NBAS: variants seen among roughly 807,000 people sequenced by gnomAD.
NBAS encodes NBAS subunit of NRZ tethering complex.
A neutral mutation model predicts 302.5 loss-of-function variants in NBAS; 219 were observed. The observed-to-expected ratio is 0.72, with a 90% CI of 0.65 to 0.81. NBAS has a LOEUF of 0.81. NBAS is among the 30% of genes least tolerant of loss of function. NBAS has a pLI of 0.00. For missense variants in NBAS, 2,932 were observed against 2,841.6 expected (o/e 1.03, Z -0.72); for synonymous variants, 1,118 against 1,021.6 (o/e 1.09, Z -1.80).
the NBAS span, among the ~76,000 whole-genome samples, chr2:14,928,339 CAG>C: frequency 6.6e-6 from 1 of 152,044 alleles, no homozygotes; most frequent in Non-Finnish European, 1.5e-5. Context: ...TCGTAGCACA[CAG>C]GGAGAAAACA....
At chr2:15,366,469 TA>T in intron 32 of NBAS, 110 bp downstream of exon 32, 1 of 1,057,458 alleles carries the variant, frequency 9.5e-7, no homozygotes, top group Non-Finnish European at 1.4e-6. Flanking sequence ...CCCTGTCTAA[TA>T]AAAAAGCTGT....
chr2:14,820,741 A>C, the NBAS span, among the ~76,000 whole-genome samples: 1 of 152,284 alleles, frequency 6.6e-6, no homozygotes, highest in African/African-American at 2.4e-5. Context: ...TAGATACAAC[A>C]GTGTCAGTCA....
the NBAS span, among the ~76,000 whole-genome samples, chr2:14,914,986 G>A: frequency 9.8e-5 from 15 of 152,286 alleles, no homozygotes; most frequent in African/African-American, 2.2e-4. Flanking sequence ...AATGGTCTGC[G>A]TTTTAAGCCA....
chr2:15,284,100 C>A (rs1416161772), intron 42 of NBAS, among the ~76,000 whole-genome samples: 4 of 150,546 alleles, frequency 2.7e-5, no homozygotes, highest in African/African-American at 4.9e-5. Context: ...CCAAAGCCAT[C>A]ACTGCTATTT....
intron 21 of NBAS, among the ~76,000 whole-genome samples, chr2:15,457,510 T>C (rs1398905769): frequency 6.6e-6 from 1 of 152,184 alleles, no homozygotes; most frequent in Non-Finnish European, 1.5e-5. Context: ...AATTACTTAT[T>C]TAGGGTATGT....
the NBAS span, among the ~76,000 whole-genome samples, chr2:14,868,763 C>A: frequency 6.6e-6 from 1 of 152,196 alleles, no homozygotes; most frequent in Admixed American, 6.5e-5. Context: ...ACACCCCTTT[C>A]TTCCTTTGGA....
At position 15,341,706 on chromosome 2, in the gene NBAS, TA is replaced by T. The variant is rs1672861704; in HGVS notation, c.4179+10285del. The stretch of plus-strand genomic sequence containing the variant: ...GTGCTAAAAGAGGAAGCGACTAGTA[TA>T]AACCTTTGTGAAGAATGGAAATCTA... On this transcript the variant is annotated intron_variant, in intron 35 of 51. Coordinates refer to ENST00000281513, the MANE Select transcript of NBAS (RefSeq NM_015909.4). 2.6e-5 allele frequency among the ~76,000 whole-genome samples: 4 copies of T among 152,274 alleles called. No homozygotes were observed. In the South Asian group the frequency reaches 8.3e-4, roughly 32 times the overall value.
chr2:15,194,072 A>G (rs1349395040), intron 48 of NBAS, among the ~76,000 whole-genome samples: 1 of 152,136 alleles, frequency 6.6e-6, no homozygotes, highest in Non-Finnish European at 1.5e-5. Context: ...GAAACAGACC[A>G]GAGCTCAAGC....
At chr2:15,384,331 T>C (rs1470332286) in intron 28 of NBAS, among the ~76,000 whole-genome samples, 1 of 152,208 alleles carries the variant, frequency 6.6e-6, no homozygotes, top group African/African-American at 2.4e-5. Flanking sequence ...CTTTCCTCTC[T>C]GGAAGCTCAC....
chr2:15,121,462 C>T, the NBAS span, among the ~76,000 whole-genome samples: 6 of 151,958 alleles, frequency 3.9e-5, no homozygotes, highest in South Asian at 2.1e-4. Context: ...GAGGAATGTT[C>T]GAGGTACACG....
intron 21 of NBAS, among the ~76,000 whole-genome samples, chr2:15,458,381 G>A (rs1679344774): frequency 1.3e-5 from 2 of 152,184 alleles, no homozygotes. Flanking sequence ...CAGTGCTGGA[G>A]GCGGGGTTTG....
In NBAS at chr2:15,254,903, G is replaced by GGTGT. The variant is rs111732767; in HGVS notation, c.5725-16221_5725-16218dup. On this transcript the variant is annotated intron_variant, in intron 44 of 51. Transcript: ENST00000281513. ...TTTATGGCTGAGTAGTGTTCCATGG[G>GGTGT]GTGTGTGTGTGTGTGTGTGTGTGCA... Among the ~76,000 whole-genome samples the GGTGT allele has an allele frequency of 6.2e-4, 93 of 149,376 alleles. 1 individual carries two copies. The highest frequency in any genetic ancestry group is 3.2e-3 in the South Asian group (15 of 4,692).
chr2:15,268,045 A>G (rs1357864310), intron 44 of NBAS, among the ~76,000 whole-genome samples: 1 of 152,188 alleles, frequency 6.6e-6, no homozygotes, highest in Non-Finnish European at 1.5e-5. Flanking sequence ...AAGACAGATA[A>G]CCTCTAAGGT....
intron 44 of NBAS, among the ~76,000 whole-genome samples, chr2:15,252,998 C>A (rs1166700858): frequency 6.6e-6 from 1 of 152,038 alleles, no homozygotes; most frequent in Non-Finnish European, 1.5e-5. Flanking sequence ...TGAAGCAGAA[C>A]TTGAAGCATC....
the NBAS span, among the ~76,000 whole-genome samples, chr2:14,913,964 TATAA>T: frequency 6.6e-6 from 1 of 152,192 alleles, no homozygotes; most frequent in Non-Finnish European, 1.5e-5. Context: ...CTGGGTGATT[TATAA>T]ATAAAGAGGT....
chr2:15,496,716 T>C lies in NBAS; in HGVS notation c.954+7429A>G, dbSNP rs572335893. Among the ~76,000 whole-genome samples the C allele has an allele frequency of 4.6e-5, 7 of 152,264 alleles. No homozygotes were observed. The South Asian group carries it at 1.5e-3, about 32-fold the overall frequency. The stretch of plus-strand genomic sequence containing the variant: ...AGAAGCTAGCAGGAATCTGATTTAA[T>C]TTCTTGCTGCAAAGGAGGTTATCAT... On this transcript the variant is annotated intron_variant, in intron 11 of 51. Transcript: ENST00000281513.
the NBAS span, among the ~76,000 whole-genome samples, chr2:15,060,051 C>T: frequency 6.6e-6 from 1 of 151,818 alleles, no homozygotes; most frequent in Non-Finnish European, 1.5e-5. Context: ...AGTAAGCTCA[C>T]CTGGATCCTA....
intron 46 of NBAS, among the ~76,000 whole-genome samples, chr2:15,234,028 A>T (rs1043602752): frequency 2.6e-5 from 4 of 152,234 alleles, no homozygotes; most frequent in African/African-American, 7.2e-5. Context: ...ATATCGACGC[A>T]AAGCAAGAAT....
At chr2:15,186,630 G>T in intron 50 of NBAS, 112 bp downstream of exon 50, 2 of 1,487,318 alleles carry the variant, frequency 1.3e-6, no homozygotes, top group Non-Finnish European at 1.9e-6. Context: ...GCCTTTACCA[G>T]TAATTACTTA....
Sources: allele counts gnomAD v4.1 joint callset (sites outside exome capture counted in the v4.1 genomes callset), GRCh38; gene constraint gnomAD v4.1.1; transcripts MANE v1.5; gene names NCBI Gene and HGNC (gene_info 2026-07-23, HGNC 2026-07-21).